ASIC1: variants seen among roughly 807,000 people sequenced by gnomAD.
ASIC1 encodes acid-sensing ion channel 1.
ASIC1 carries 21 observed loss-of-function variants against 63.4 expected under a neutral mutation model. That is an observed-to-expected ratio of 0.33 (90% CI 0.23 to 0.48). The LOEUF (loss-of-function observed/expected upper bound fraction) is 0.48. ASIC1 is among the 20% of genes least tolerant of loss of function. ASIC1 has a pLI of 0.99. For synonymous variants in ASIC1, 258 were observed against 278.2 expected, an observed-to-expected ratio of 0.93 and a Z score of 0.72; for missense variants, 478 against 695.5, an observed-to-expected ratio of 0.69 and a Z score of 3.52.
intron 4 of ASIC1, among the ~76,000 whole-genome samples, 174 bp from the exon 5 acceptor site, chr12:50,077,826 A>G (rs1023103161): frequency 1.8e-4 from 28 of 152,146 alleles, no homozygotes; most frequent in African/African-American, 6.5e-4. Context: ...GGAGCAGCTC[A>G]GAGCTGGTAA....
chr12:50,062,822 T>C (rs1260841174), intron 3 of ASIC1, among the ~76,000 whole-genome samples: 1 of 152,210 alleles, frequency 6.6e-6, no homozygotes, highest in African/African-American at 2.4e-5. Context: ...TGGATCTAGC[T>C]CAACCCCAGG....
intron 3 of ASIC1, among the ~76,000 whole-genome samples, chr12:50,072,872 A>C (rs1171295459): frequency 6.6e-6 from 1 of 151,984 alleles, no homozygotes; most frequent in Non-Finnish European, 1.5e-5. Context: ...AGGGCTGGTA[A>C]TGCTGTCCTG....
chr12:50,064,073 T>C (rs536011380), intron 3 of ASIC1, among the ~76,000 whole-genome samples: 1 of 152,032 alleles, frequency 6.6e-6, no homozygotes, highest in East Asian at 1.9e-4. Context: ...GTGGTCTTCA[T>C]GGGTGGGAAG....
intron 3 of ASIC1, among the ~76,000 whole-genome samples, chr12:50,066,925 T>G (rs987816528): frequency 1.3e-5 from 2 of 152,190 alleles, no homozygotes. Flanking sequence ...TCCCTCTGCC[T>G]TTTTAAGATC....
At chr12:50,070,027 T>C (rs1036505902) in intron 3 of ASIC1, among the ~76,000 whole-genome samples, 4 of 152,098 alleles carry the variant, frequency 2.6e-5, no homozygotes, top group African/African-American at 7.2e-5. Flanking sequence ...GAGATAACAA[T>C]TGAAAACCAT....
intron 3 of ASIC1, among the ~76,000 whole-genome samples, chr12:50,071,226 G>A (rs1950595579): frequency 6.6e-6 from 1 of 151,812 alleles, no homozygotes; most frequent in Non-Finnish European, 1.5e-5. Context: ...GGTGGTGGTG[G>A]CTGGATGCTG....
At chr12:50,080,633 TG>T in intron 9 of ASIC1, 44 bp downstream of exon 9, 1 of 1,614,208 alleles carries the variant, frequency 6.2e-7, no homozygotes, top group Non-Finnish European at 8.5e-7. Flanking sequence ...GCCATGGGCA[TG>T]GCGTGGCTCC....
At chr12:50,064,319 A>G (rs926115937) in intron 3 of ASIC1, among the ~76,000 whole-genome samples, 1 of 152,092 alleles carries the variant, frequency 6.6e-6, no homozygotes, top group Admixed American at 6.6e-5. Context: ...AGTTGCAGGA[A>G]TCCAGTGGGT....
chr12:50,065,885 G>A (rs1414723971), intron 3 of ASIC1, among the ~76,000 whole-genome samples: 1 of 152,236 alleles, frequency 6.6e-6, no homozygotes, highest in Non-Finnish European at 1.5e-5. Context: ...TGAGACTGTG[G>A]CAGTGGCCTT....
Position 50,080,599 on chromosome 12 carries a change from T to G in ASIC1, c.1297+10T>G. 1 of 1,614,190 alleles carries G rather than the reference T, an allele frequency of 6.2e-7. No individual in the cohort carries two copies. The highest frequency in any genetic ancestry group is 8.5e-7 in the Non-Finnish European group (1 of 1,180,024). On this transcript the variant is annotated intron_variant, in intron 9 of 11. Transcript: ENST00000447966. ...ATTGCAGGGCTCCTGGGTGAGCTGC[T>G]GATGACACCTGTCCCCTTCTCATGC...
At chr12:50,070,181 G>T (rs1019385598) in intron 3 of ASIC1, among the ~76,000 whole-genome samples, 1 of 152,226 alleles carries the variant, frequency 6.6e-6, no homozygotes, top group Non-Finnish European at 1.5e-5. Flanking sequence ...ACTGAGTGCA[G>T]CTCTGTGTGT....
At chr12:50,076,435 C>A (rs1950655522) in intron 3 of ASIC1, among the ~76,000 whole-genome samples, 3 of 151,160 alleles carry the variant, frequency 2.0e-5, no homozygotes, top group Admixed American at 2.0e-4. Flanking sequence ...CCACTGCACT[C>A]CAGCCTGGGC....
chr12:50,080,766 G>A, intron 9 of ASIC1, 177 bp downstream of exon 9: 2 of 1,555,450 alleles, frequency 1.3e-6, no homozygotes, highest in East Asian at 2.3e-5. Flanking sequence ...TTCTCTTAGG[G>A]CAAAGTGGAA....
Position 50,059,901 on chromosome 12 carries a change from C to T in ASIC1, c.505C>T (p.Leu169=). The change falls in exon 3 of 12, where the codon CTG becomes TTG. Residue 169 remains leucine, a synonymous_variant. Transcript: ENST00000447966. The surrounding 1 kb of genome is among the most constrained non-coding windows in gnomAD (Gnocchi z 4.6). The part of the protein sequence containing the change: ...DRAGHDIRDM[L]LSCHFRGEVC... ...AGCTGGGCACGACATTCGAGACATG[C>T]TGCTCTCCTGCCACTTCCGGGGGGA... 1 of 1,614,148 alleles carries T rather than the reference C, an allele frequency of 6.2e-7. No individual in the cohort carries two copies.
intron 9 of ASIC1, 60 bp downstream of exon 9, chr12:50,080,649 C>T: frequency 6.2e-7 from 1 of 1,614,172 alleles, no homozygotes; most frequent in East Asian, 2.2e-5. Context: ...GGCTCCCTAT[C>T]ATCCAAAAGC....
At chr12:50,063,183 G>A (rs571333606) in intron 3 of ASIC1, among the ~76,000 whole-genome samples, 1 of 152,318 alleles carries the variant, frequency 6.6e-6, no homozygotes, top group East Asian at 1.9e-4. Flanking sequence ...GGCCAAGGCA[G>A]GGCAGGGATT....
rs1565733187 is a variant in ASIC1, at chr12:50,080,191, G to C, written c.1205+136G>C. On this transcript the variant is annotated intron_variant, in intron 8 of 11. Coordinates refer to ENST00000447966, the MANE Select transcript of ASIC1 (RefSeq NM_001095.4). The stretch of plus-strand genomic sequence containing the variant: ...GGGGAAGGTCCAAAAGGCAAGCAAA[G>C]AGTCTAGGGTGGGTATGCAGGGAAG... 2.0e-5 allele frequency: 25 copies of C among 1,264,744 alleles called. No homozygotes were observed. The South Asian group carries it at 3.0e-4, about 15-fold the overall frequency. 78.3% of individuals were successfully genotyped at this position (1,264,744 alleles called of 1,614,324 possible). A position where few individuals can be genotyped will look rare whatever the true frequency, so the allele number is the denominator to read the frequency against.
Position 50,078,738 on chromosome 12 carries a change from C to A in ASIC1, c.994+161C>A. ...TGACCTCAGTTCCCGCCTGCACCCCCAGGGATGGGTGGGAAGGGTCTAGAA... is the reference window on the plus strand; with the variant it reads ...TGACCTCAGTTCCCGCCTGCACCCCAAGGGATGGGTGGGAAGGGTCTAGAA... On this transcript the variant is annotated intron_variant, in intron 6 of 11. Coordinates refer to ENST00000447966, the MANE Select transcript of ASIC1 (RefSeq NM_001095.4). The surrounding 1 kb of genome is among the most constrained non-coding windows in gnomAD (Gnocchi z 6.0). 7.4e-7 allele frequency: 1 copy of A among 1,357,634 alleles called. No homozygotes were observed. Among genetic ancestry groups the A allele is most frequent in the Non-Finnish European group, 1.0e-6 (1 of 964,226 alleles). 84.1% of individuals were successfully genotyped at this position (1,357,634 alleles called of 1,614,324 possible).
chr12:50,077,118 T>C, intron 3 of ASIC1, 95 bp from the exon 4 acceptor site: 1 of 1,584,494 alleles, frequency 6.3e-7, no homozygotes, highest in Non-Finnish European at 8.7e-7. Context: ...TCCCAAAGGG[T>C]GTTGAGATTC....
Sources: allele counts gnomAD v4.1 joint callset (sites outside exome capture counted in the v4.1 genomes callset), GRCh38; gene constraint gnomAD v4.1.1; non-coding constraint Gnocchi (gnomAD v3.1); transcripts MANE v1.5; gene names NCBI Gene and HGNC (gene_info 2026-07-23, HGNC 2026-07-21).